The following RBFOX1 variants were observed in gnomAD, a reference collection of about 807,000 sequenced individuals.
RBFOX1 encodes the protein RNA binding fox-1 homolog 1, also known as RNA binding protein fox-1 homolog 1.
RBFOX1 carries 8 observed loss-of-function variants against 57.7 expected under a neutral mutation model. The ratio of observed to expected loss-of-function variants is 0.14; its 90% confidence interval spans 0.08 to 0.25. The LOEUF is 0.25. Ranked by LOEUF, RBFOX1 falls within the 10% of genes least tolerant of loss-of-function variation. RBFOX1 has a pLI of 1.00. For synonymous variants in RBFOX1, 326 were observed against 222.4 expected (o/e 1.47, Z -4.15); for missense variants, 611 against 548.5 (o/e 1.11, Z -1.14).
At chr16:7,099,818 T>G (rs571052163) in intron 4 of RBFOX1, among the ~76,000 whole-genome samples, 2 of 152,276 alleles carry the variant, frequency 1.3e-5, no homozygotes, top group African/African-American at 4.8e-5. Flanking sequence ...AATGTGTGGG[T>G]TTCAATAAAG....
At chr16:5,692,312 A>T (rs929790085) in intron 3 of RBFOX1, among the ~76,000 whole-genome samples, 27 of 152,076 alleles carry the variant, frequency 1.8e-4, no homozygotes, top group African/African-American at 6.5e-4. Context: ...AGAGGCAACA[A>T]GCCAAGGAAC....
intron 5 of RBFOX1, among the ~76,000 whole-genome samples, chr16:7,518,694 G>C (rs1000400378): frequency 6.7e-6 from 1 of 149,490 alleles, no homozygotes; most frequent in African/African-American, 2.5e-5. Context: ...CATTTTTTTG[G>C]AAAAAAAAAA....
intron 4 of RBFOX1, among the ~76,000 whole-genome samples, chr16:5,943,161 A>G (rs1299661267): frequency 6.6e-6 from 1 of 152,138 alleles, no homozygotes; most frequent in Non-Finnish European, 1.5e-5. Flanking sequence ...CAGCACCTCC[A>G]TATGCCCAAG....
chr16:7,702,682 A>T (rs1353474084), intron 14 of RBFOX1, among the ~76,000 whole-genome samples: 1 of 152,110 alleles, frequency 6.6e-6, no homozygotes, highest in African/African-American at 2.4e-5. Context: ...ACTCCTTTCC[A>T]GCCCCTGAGA....
intron 1 of RBFOX1, among the ~76,000 whole-genome samples, chr16:6,244,790 G>A (rs2097560136): frequency 6.6e-6 from 1 of 152,190 alleles, no homozygotes; most frequent in South Asian, 2.1e-4. Context: ...TTACAGGCGT[G>A]AGCCAACACA....
At chr16:5,640,446 A>G (rs1021729510) in intron 3 of RBFOX1, among the ~76,000 whole-genome samples, 2 of 151,846 alleles carry the variant, frequency 1.3e-5, no homozygotes, top group Non-Finnish European at 2.9e-5. Context: ...CATGAACACC[A>G]TGCATACACA....
At chr16:7,576,641 C>T in intron 5 of RBFOX1, among the ~76,000 whole-genome samples, 1 of 152,176 alleles carries the variant, frequency 6.6e-6, no homozygotes, top group East Asian at 1.9e-4. Context: ...AAGATTTCTC[C>T]AAAGTGCTGT....
chr16:5,977,793 A>C (rs2060094884), intron 4 of RBFOX1, among the ~76,000 whole-genome samples: 1 of 152,096 alleles, frequency 6.6e-6, no homozygotes, highest in Non-Finnish European at 1.5e-5. Context: ...GTATTAAGAG[A>C]CACCACCATC....
intron 4 of RBFOX1, among the ~76,000 whole-genome samples, chr16:7,488,185 T>C (rs966815194): frequency 1.3e-5 from 2 of 152,164 alleles, no homozygotes; most frequent in African/African-American, 4.8e-5. Flanking sequence ...CACATCTTCA[T>C]CTGCAGCGTG....
intron 3 of RBFOX1, among the ~76,000 whole-genome samples, chr16:6,912,624 AT>A (rs33931128): frequency 0.46 from 67,009 of 146,450 alleles, 15,587 homozygotes; most frequent in East Asian, 0.6. Flanking sequence ...TGTTATTACT[AT>A]TTTTTTTTTT....
intron 3 of RBFOX1, among the ~76,000 whole-genome samples, chr16:6,729,465 C>G (rs543322390): frequency 1.3e-5 from 2 of 152,248 alleles, no homozygotes; most frequent in African/African-American, 4.8e-5. Flanking sequence ...ATTGTAGGAG[C>G]CTTCCCAGCA....
chr16:6,194,797 G>A (rs568504797), intron 1 of RBFOX1, among the ~76,000 whole-genome samples: 24 of 152,188 alleles, frequency 1.6e-4, no homozygotes, highest in Admixed American at 4.6e-4. Flanking sequence ...TTTACGTTTC[G>A]TGTACCTTCC....
chr16:5,777,698 A>G (rs1357951097), intron 3 of RBFOX1, among the ~76,000 whole-genome samples: 1 of 152,228 alleles, frequency 6.6e-6, no homozygotes, highest in Non-Finnish European at 1.5e-5. Flanking sequence ...TAGTGATGAA[A>G]AGTGACCATC....
intron 3 of RBFOX1, among the ~76,000 whole-genome samples, chr16:5,825,623 T>G (rs962736740): frequency 1.3e-5 from 2 of 152,210 alleles, no homozygotes; most frequent in African/African-American, 4.8e-5. Flanking sequence ...GTAAGGACAT[T>G]AAGGACGTTG....
intron 3 of RBFOX1, among the ~76,000 whole-genome samples, chr16:6,844,373 C>G (rs142234328): frequency 6.6e-6 from 1 of 152,072 alleles, no homozygotes; most frequent in Non-Finnish European, 1.5e-5. Flanking sequence ...CAGATCCCCA[C>G]GCCCATTGTT....
intron 1 of RBFOX1, among the ~76,000 whole-genome samples, chr16:5,384,058 G>A (rs2066197172): frequency 6.6e-6 from 1 of 152,184 alleles, no homozygotes; most frequent in South Asian, 2.1e-4. Context: ...CCAGCTCTAA[G>A]TCCTGCAGAA....
intron 1 of RBFOX1, among the ~76,000 whole-genome samples, chr16:5,323,846 A>C (rs1313510896): frequency 2.0e-5 from 3 of 152,240 alleles, no homozygotes; most frequent in African/African-American, 7.2e-5. Flanking sequence ...CCTGTAACAT[A>C]GACTGGGGAT....
chr16:7,616,650 G>T (rs1444441957), intron 10 of RBFOX1, among the ~76,000 whole-genome samples: 1 of 152,074 alleles, frequency 6.6e-6, no homozygotes, highest in Non-Finnish European at 1.5e-5. Flanking sequence ...TGCAACCTCT[G>T]CCTCCCAGGT....
intron 4 of RBFOX1, among the ~76,000 whole-genome samples, chr16:5,908,514 G>T (rs960567936): frequency 3.3e-5 from 5 of 151,604 alleles, no homozygotes; most frequent in Non-Finnish European, 5.9e-5. Flanking sequence ...CACCATGCCC[G>T]GCTATTTTTT....
Sources: gnomAD v4.1 joint callset for allele counts (sites outside exome capture counted in the v4.1 genomes callset) on GRCh38, gnomAD v4.1.1 for gene constraint, MANE v1.5 for transcripts, NCBI Gene and HGNC (gene_info 2026-07-23, HGNC 2026-07-21) for gene names.